The following ROBO2 variants were observed in gnomAD, a reference collection of about 807,000 sequenced individuals.
ROBO2 encodes roundabout guidance receptor 2.
A neutral mutation model predicts 160.8 loss-of-function variants in ROBO2; 53 were observed. The ratio of observed to expected loss-of-function variants is 0.33; its 90% CI spans 0.26 to 0.41. The LOEUF is 0.41. ROBO2 is among the 10% of genes least tolerant of loss of function. The probability of loss-of-function intolerance (pLI) is 1.00; values close to 1 mark genes in which losing one functional copy is unlikely to be tolerated. For synonymous variants in ROBO2, 664 were observed against 611.7 expected (o/e 1.09, Z -1.26); for missense variants, 1,577 against 1,722.4 (o/e 0.92, Z 1.49).
At chr3:76,882,537 A>G (rs2073458872) in intron 2 of ROBO2, among the ~76,000 whole-genome samples, 1 of 152,132 alleles carries the variant, frequency 6.6e-6, no homozygotes, top group South Asian at 2.1e-4. Context: ...TTCAAGTGAA[A>G]ACAGCATTAG....
At chr3:76,739,602 T>C (rs1389036795) in intron 2 of ROBO2, among the ~76,000 whole-genome samples, 1 of 151,476 alleles carries the variant, frequency 6.6e-6, no homozygotes, top group East Asian at 1.9e-4. Context: ...GTTGTGCACA[T>C]GTACCCTAAA....
chr3:76,660,372 T>C (rs955603848), intron 2 of ROBO2, among the ~76,000 whole-genome samples: 2 of 152,130 alleles, frequency 1.3e-5, no homozygotes, highest in Non-Finnish European at 2.9e-5. Context: ...AATTGAAAGA[T>C]TAGTATTAAA....
intron 2 of ROBO2, among the ~76,000 whole-genome samples, chr3:76,353,697 A>G (rs763916839): frequency 2.0e-5 from 3 of 151,892 alleles, no homozygotes; most frequent in Admixed American, 6.6e-5. Context: ...AGACACTACA[A>G]CCTTCGCAAC....
At chr3:76,114,288 T>TC in intron 2 of ROBO2, among the ~76,000 whole-genome samples, 1 of 152,204 alleles carries the variant, frequency 6.6e-6, no homozygotes, top group South Asian at 2.1e-4. Flanking sequence ...TATCTAAACT[T>TC]TAAGTGTTCG....
chr3:77,028,738 T>C (rs1014581748), intron 2 of ROBO2, among the ~76,000 whole-genome samples: 1 of 151,996 alleles, frequency 6.6e-6, no homozygotes, highest in African/African-American at 2.4e-5. Context: ...AAAAAAAATC[T>C]GCCATCTCAT....
At chr3:76,671,221 TC>T (rs11359910) in intron 2 of ROBO2, among the ~76,000 whole-genome samples, 4,569 of 152,162 alleles carry the variant, frequency 0.03, 226 homozygotes, top group African/African-American at 0.1. Context: ...ACCTGAAAAG[TC>T]AATGGAAGAC....
intron 2 of ROBO2, among the ~76,000 whole-genome samples, chr3:77,440,296 T>G (rs2079779331): frequency 6.6e-6 from 1 of 152,186 alleles, no homozygotes; most frequent in Non-Finnish European, 1.5e-5. Flanking sequence ...GTCCCTCTAA[T>G]TACTTTCTTA....
chr3:77,065,495 A>G (rs1484586124), intron 1 of ROBO2, among the ~76,000 whole-genome samples: 1 of 152,154 alleles, frequency 6.6e-6, no homozygotes, highest in Non-Finnish European at 1.5e-5. Context: ...CATTAAAGTC[A>G]GCAAGTAACA....
At chr3:76,797,050 A>G (rs1298412468) in intron 2 of ROBO2, among the ~76,000 whole-genome samples, 1 of 152,126 alleles carries the variant, frequency 6.6e-6, no homozygotes, top group African/African-American at 2.4e-5. Flanking sequence ...CCAGCTACAA[A>G]TTCAACAAAA....
At chr3:77,557,915 A>T (rs1389752205) in intron 8 of ROBO2, 29 bp from the exon 10 acceptor site, 1 of 1,498,750 alleles carries the variant, frequency 6.7e-7, no homozygotes, top group South Asian at 1.1e-5. Flanking sequence ...ATTGATGTTA[A>T]AATACCTGAA....
rs187455344 is a variant in ROBO2 at position 77,153,284 on chromosome 3, T to C, written c.388+54944T>C. Among the ~76,000 whole-genome samples, 439 of 152,272 alleles carry C rather than the reference T, an allele frequency of 2.9e-3. 3 individuals are homozygous for C. The highest frequency in any genetic ancestry group is 1.0e-2 in the African/African-American group (415 of 41,568). On this transcript the variant is annotated intron_variant, in intron 2 of 25. Transcript: ENST00000461745. ...TCAATATCGTTACTGGTTATATGTC[T>C]ATTCAGATTTTTTTATTTTTTCTTG... is the stretch of plus-strand genomic sequence containing the variant.
At chr3:77,400,623 TTC>T (rs139483156) in intron 2 of ROBO2, among the ~76,000 whole-genome samples, 3,088 of 152,332 alleles carry the variant, frequency 0.02, 111 homozygotes, top group African/African-American at 0.071. Context: ...CAACTTTTTC[TTC>T]TGAGTCACAC....
chr3:76,918,291 A>C (rs2076449724), intron 2 of ROBO2, among the ~76,000 whole-genome samples: 1 of 152,074 alleles, frequency 6.6e-6, no homozygotes, highest in African/African-American at 2.4e-5. Flanking sequence ...TGGTTTTATA[A>C]GCCTCTGGCA....
At chr3:76,237,098 C>T (rs899436514) in intron 2 of ROBO2, among the ~76,000 whole-genome samples, 13 of 151,962 alleles carry the variant, frequency 8.6e-5, no homozygotes, top group African/African-American at 2.9e-4. Context: ...AAATATTTTA[C>T]TGAATGAATG....
intron 2 of ROBO2, among the ~76,000 whole-genome samples, chr3:76,474,307 G>A (rs1211330568): frequency 6.6e-6 from 1 of 152,074 alleles, no homozygotes; most frequent in Non-Finnish European, 1.5e-5. Context: ...ATTTATCTTA[G>A]TTAAATGATA....
In ROBO2 at chr3:76,776,939, G is replaced by A. The variant is rs75489565; in HGVS notation, c.110-321075G>A. On this transcript the variant is annotated intron_variant, in intron 2 of 26. Coordinates refer to the ROBO2 transcript ENST00000487694. ...AAATATCTTGTTGATATATTATGAG[G>A]TAACAATTTTGCAGTTAACTCACGT... 8.6e-5 allele frequency among the ~76,000 whole-genome samples: 13 copies of A among 151,002 alleles called. No homozygotes were observed. The East Asian group carries it at 2.4e-3, about 27-fold the overall frequency.
intron 2 of ROBO2, among the ~76,000 whole-genome samples, chr3:76,511,886 A>T (rs936459392): frequency 6.6e-6 from 1 of 152,200 alleles, no homozygotes; most frequent in Non-Finnish European, 1.5e-5. Flanking sequence ...ATTGGTAATG[A>T]GGATCCAGTT....
At chr3:76,654,257 C>A (rs1292734844) in intron 2 of ROBO2, among the ~76,000 whole-genome samples, 1 of 151,948 alleles carries the variant, frequency 6.6e-6, no homozygotes. Context: ...GATAGATGCC[C>A]CATTTTGGGT....
At chr3:76,131,853 C>G (rs562890540) in intron 2 of ROBO2, among the ~76,000 whole-genome samples, 1 of 152,254 alleles carries the variant, frequency 6.6e-6, no homozygotes, top group South Asian at 2.1e-4. Flanking sequence ...TAATGATTAA[C>G]TGTTTATTTC....
Sources: gnomAD v4.1 joint callset for allele counts (sites outside exome capture counted in the v4.1 genomes callset) on GRCh38, gnomAD v4.1.1 for gene constraint, MANE v1.5 for transcripts, NCBI Gene and HGNC (gene_info 2026-07-23, HGNC 2026-07-21) for gene names.